Variants in BMP7 observed in about 807,000 individuals in gnomAD.
The protein encoded by BMP7 is bone morphogenetic protein 7.
In BMP7, 12 loss-of-function variants were observed where a neutral mutation model predicts 41.2. The observed-to-expected ratio is 0.29, with a 90% CI of 0.19 to 0.47. The LOEUF (loss-of-function observed/expected upper bound fraction) is 0.47. Among genes scored for constraint, BMP7 ranks in the 20% least tolerant of loss-of-function variants. The pLI, the probability that BMP7 is intolerant of heterozygous loss-of-function variation, is 0.99. For synonymous variants in BMP7, 248 were observed against 250.0 expected (o/e 0.99, Z 0.07); for missense variants, 467 against 606.0 (o/e 0.77, Z 2.41).
intron 1 of BMP7, among the ~76,000 whole-genome samples, chr20:57,235,343 T>G (rs1297149270): frequency 6.6e-6 from 1 of 152,196 alleles, no homozygotes; most frequent in Non-Finnish European, 1.5e-5. Context: ...GTGCATGGCT[T>G]TTGGTGAACA....
At chr20:57,248,969 TTTTTTGTA>T (rs1001155344) in intron 1 of BMP7, among the ~76,000 whole-genome samples, 2 of 151,944 alleles carry the variant, frequency 1.3e-5, no homozygotes, top group African/African-American at 4.8e-5. Context: ...CAGCTAATTT[TTTTTTGTA>T]TTTTTAGTAG....
At position 57,230,825 on chromosome 20, in the gene BMP7, C is replaced by T. The variant is rs555581207; in HGVS notation, c.419-2404G>A. Among the ~76,000 whole-genome samples the T allele has an allele frequency of 1.4e-3, 207 of 151,834 alleles. 1 individual carries two copies. The highest frequency in any genetic ancestry group is 4.7e-3 in the African/African-American group (196 of 41,400). ...CCAAGTGGCTGGGACTACAGGCTCC[C>T]GTCACCATGCTCGGCTAATTTTTTG... On this transcript the variant is annotated intron_variant, in intron 1 of 6. Coordinates refer to ENST00000395863, the MANE Select transcript of BMP7 (RefSeq NM_001719.3).
intron 4 of BMP7, among the ~76,000 whole-genome samples, chr20:57,182,619 T>A (rs906601857): frequency 6.6e-6 from 1 of 152,226 alleles, no homozygotes; most frequent in Non-Finnish European, 1.5e-5. Flanking sequence ...ATCCCAGGGC[T>A]GCCAGTTACC....
At position 57,169,855 on chromosome 20, in the gene BMP7, C is replaced by T. The variant is rs1374307042; in HGVS notation, c.*1104G>A. ...CACTGCAACCTCCACCTCTGGGGTT[C>T]AAGCAATTCTCCTGCCTCAGCCTCC... On this transcript the variant is annotated 3_prime_UTR_variant, in exon 7 of 7. Coordinates refer to ENST00000395863, the MANE Select transcript of BMP7 (RefSeq NM_001719.3). The T allele has an allele frequency of 1.3e-5, 2 of 152,156 alleles. No homozygotes were observed. The highest frequency in any genetic ancestry group is 2.9e-5 in the Non-Finnish European group (2 of 68,048). 9.4% of individuals were successfully genotyped at this position (152,156 alleles called of 1,614,324 possible).
In BMP7 at chr20:57,168,925, C is replaced by T. The variant is rs749963123; in HGVS notation, c.*2034G>A. 2.1e-5 allele frequency: 3 copies of T among 144,760 alleles called. No homozygotes were observed. The highest frequency in any genetic ancestry group is 2.3e-4 in the South Asian group (1 of 4,404). The allele number at this position is 144,760 out of a possible 1,614,324, so 9.0% of individuals were successfully genotyped here. A position where few individuals can be genotyped will look rare whatever the true frequency, so the allele number is the denominator to read the frequency against. On this transcript the variant is annotated 3_prime_UTR_variant, in exon 7 of 7. Transcript: ENST00000395863. Reference sequence around the variant, plus strand: ...ACAGGTTGAAGGAAAGCAAGCTCATCGTCCTGAACGAGGGATTAAAGGGGG... The same window carrying T: ...ACAGGTTGAAGGAAAGCAAGCTCATTGTCCTGAACGAGGGATTAAAGGGGG...
chr20:57,263,809 T>C (rs1361129480), intron 1 of BMP7, among the ~76,000 whole-genome samples: 1 of 146,242 alleles, frequency 6.8e-6, no homozygotes, highest in African/African-American at 2.8e-5. Context: ...ACACATTGTT[T>C]TAAAAAAATC....
rs770437780 is a variant in BMP7, at chr20:57,255,729, G to T, written c.418+9976C>A. 2.0e-5 allele frequency among the ~76,000 whole-genome samples: 3 copies of T among 149,518 alleles called. No individual in the cohort carries two copies. In the South Asian group the frequency reaches 6.4e-4, roughly 32 times the overall value. On this transcript the variant is annotated intron_variant, in intron 1 of 6. Coordinates refer to ENST00000395863, the MANE Select transcript of BMP7 (RefSeq NM_001719.3). Reference sequence around the variant, plus strand: ...GCAGGAGAATTGCTTGAAGCCCAGAGGTGGAGGTTGCAGTGAGTGGAGATC... The same window carrying T: ...GCAGGAGAATTGCTTGAAGCCCAGATGTGGAGGTTGCAGTGAGTGGAGATC...
chr20:57,234,726 G>C (rs886533578), intron 1 of BMP7, among the ~76,000 whole-genome samples: 3 of 152,206 alleles, frequency 2.0e-5, no homozygotes. Flanking sequence ...ATTCCCAAAT[G>C]TAAGGCATCC....
intron 1 of BMP7, 55 bp downstream of exon 1, chr20:57,265,650 C>G: frequency 6.4e-7 from 1 of 1,557,452 alleles, no homozygotes; most frequent in Non-Finnish European, 8.7e-7. Flanking sequence ...TCCCTCCCTC[C>G]CAGTCTCAAA....
intron 1 of BMP7, among the ~76,000 whole-genome samples, chr20:57,254,687 C>T (rs1474635873): frequency 1.3e-5 from 2 of 151,948 alleles, no homozygotes; most frequent in Non-Finnish European, 2.9e-5. Context: ...AAAGAAGTCC[C>T]TGCGCTGGGG....
At chr20:57,173,135 G>C in intron 6 of BMP7, 65 bp downstream of exon 6, 1 of 1,512,758 alleles carries the variant, frequency 6.6e-7, no homozygotes, top group Non-Finnish European at 9.2e-7. Context: ...GGAGGCAGCA[G>C]GATCTGGTGG....
chr20:57,168,946 G>GC lies in BMP7; in HGVS notation c.*2012_*2013insG, dbSNP rs1039092523. The GC allele has an allele frequency of 8.0e-4, 30 of 37,422 alleles. No homozygotes were observed. The highest frequency in any genetic ancestry group is 1.8e-3 in the African/African-American group (29 of 16,564). 2.3% of individuals were successfully genotyped at this position (37,422 alleles called of 1,614,324 possible). On this transcript the variant is annotated 3_prime_UTR_variant, in exon 7 of 7. Coordinates refer to ENST00000395863, the MANE Select transcript of BMP7 (RefSeq NM_001719.3). The stretch of plus-strand genomic sequence containing the variant: ...TCATCGTCCTGAACGAGGGATTAAA[G>GC]GGGGGGGGGTGTTCAAAAGAGCTTT...
At chr20:57,209,320 C>T (rs1196895817) in intron 2 of BMP7, among the ~76,000 whole-genome samples, 4 of 141,244 alleles carry the variant, frequency 2.8e-5, no homozygotes, top group Non-Finnish European at 4.5e-5. Flanking sequence ...TGGTACATGC[C>T]TGTAGTCCCA....
intron 1 of BMP7, among the ~76,000 whole-genome samples, chr20:57,235,428 T>C (rs1474455210): frequency 6.6e-6 from 1 of 152,180 alleles, no homozygotes; most frequent in East Asian, 1.9e-4. Flanking sequence ...TAGTTCCACA[T>C]CTGACTGTTT....
chr20:57,263,655 A>G (rs1258740174), intron 1 of BMP7, among the ~76,000 whole-genome samples: 4 of 152,228 alleles, frequency 2.6e-5, no homozygotes, highest in South Asian at 2.1e-4. Context: ...GGGGTACCCA[A>G]CAGAAGGGAA....
intron 2 of BMP7, among the ~76,000 whole-genome samples, chr20:57,216,663 T>C (rs1985039071): frequency 1.3e-5 from 2 of 152,002 alleles, no homozygotes; most frequent in Non-Finnish European, 1.5e-5. Context: ...CCATAGACCT[T>C]GACTCCGACT....
intron 2 of BMP7, among the ~76,000 whole-genome samples, chr20:57,210,660 G>A (rs1283618612): frequency 1.3e-5 from 2 of 152,188 alleles, no homozygotes; most frequent in African/African-American, 2.4e-5. Flanking sequence ...GAGGCACCCA[G>A]GCACGCGTTG....
intron 2 of BMP7, among the ~76,000 whole-genome samples, chr20:57,216,204 A>T (rs991501793): frequency 1.3e-5 from 2 of 152,148 alleles, no homozygotes; most frequent in Non-Finnish European, 2.9e-5. Flanking sequence ...CAGGTCCCAG[A>T]AGCTGTGCCG....
At chr20:57,185,469 C>G (rs1211037645) in intron 3 of BMP7, among the ~76,000 whole-genome samples, 1 of 152,200 alleles carries the variant, frequency 6.6e-6, no homozygotes, top group Non-Finnish European at 1.5e-5. Context: ...TTGGCCCAAG[C>G]CCCTGGAAGA....
Sources: allele counts gnomAD v4.1 joint callset (sites outside exome capture counted in the v4.1 genomes callset), GRCh38; gene constraint gnomAD v4.1.1; transcripts MANE v1.5; gene names NCBI Gene and HGNC (gene_info 2026-07-23, HGNC 2026-07-21).